The following RNF38 variants were observed in gnomAD, a reference collection of about 807,000 sequenced individuals.
RNF38 encodes the protein E3 ubiquitin-protein ligase RNF38.
In RNF38, 15 loss-of-function variants were observed where a neutral mutation model predicts 67.2. The observed-to-expected ratio is 0.22, with a 90% confidence interval of 0.15 to 0.34. The LOEUF is 0.34. RNF38 is among the 10% of genes least tolerant of loss of function. RNF38 has a pLI of 1.00. For synonymous variants in RNF38, 220 were observed against 218.8 expected (o/e 1.01, Z -0.05); for missense variants, 524 against 639.9 (o/e 0.82, Z 1.95).
chr9:36,352,495 C>T (rs1039475031), intron 8 of RNF38, among the ~76,000 whole-genome samples: 6 of 152,094 alleles, frequency 3.9e-5, no homozygotes, highest in Admixed American at 1.3e-4. Flanking sequence ...GGCAGAAAAT[C>T]TTAACCTTTT....
In RNF38 at chr9:36,337,608, TATAA is replaced by T. The variant is rs950197087; in HGVS notation, c.*2140_*2143del. On this transcript the variant is annotated 3_prime_UTR_variant, in exon 12 of 12. Coordinates refer to ENST00000259605, the MANE Select transcript of RNF38 (RefSeq NM_022781.5). ...TACAGATATAAATTTTTTGCAGCTA[TATAA>T]AAGTGTATAAGATGGGCTTTTGCCA... The T allele has an allele frequency of 2.6e-5, 4 of 152,626 alleles. No individual in the cohort carries two copies. The highest frequency in any genetic ancestry group is 9.7e-5 in the African/African-American group (4 of 41,434). The allele number at this position is 152,626 out of a possible 1,614,324, so 9.5% of individuals were successfully genotyped here.
intron 9 of RNF38, among the ~76,000 whole-genome samples, chr9:36,346,600 A>AT (rs1833258303): frequency 6.6e-6 from 1 of 151,970 alleles, no homozygotes; most frequent in African/African-American, 2.4e-5. Flanking sequence ...GCTTTTCTCC[A>AT]TTTTTTCAGG....
chr9:36,387,374 C>A (rs1287242952), intron 2 of RNF38, among the ~76,000 whole-genome samples: 1 of 152,082 alleles, frequency 6.6e-6, no homozygotes, highest in Admixed American at 6.5e-5. Flanking sequence ...ACCACAAACA[C>A]CCCTAAAATT....
At chr9:36,392,376 G>A (rs1235652703) in intron 1 of RNF38, among the ~76,000 whole-genome samples, 1 of 152,144 alleles carries the variant, frequency 6.6e-6, no homozygotes, top group Non-Finnish European at 1.5e-5. Context: ...CCATTACGCA[G>A]AAGTATGCAT....
At chr9:36,466,869 T>C (rs1019348946) in intron 1 of RNF38, among the ~76,000 whole-genome samples, 3 of 151,718 alleles carry the variant, frequency 2.0e-5, no homozygotes, top group South Asian at 2.1e-4. Context: ...TGTCTACTTA[T>C]AAAAAAATTT....
intron 1 of RNF38, among the ~76,000 whole-genome samples, chr9:36,431,323 G>A (rs1587125961): frequency 6.6e-6 from 1 of 152,232 alleles, no homozygotes; most frequent in East Asian, 1.9e-4. Context: ...TGCCCCTAGA[G>A]CACAAACCTG....
At chr9:36,340,672 C>T (rs1832767939) in intron 11 of RNF38, among the ~76,000 whole-genome samples, 1 of 152,184 alleles carries the variant, frequency 6.6e-6, no homozygotes. Context: ...ATTCCTGGCC[C>T]CTTGGCTATT....
upstream of RNF38, chr9:36,400,389 G>T: frequency 8.6e-7 from 1 of 1,161,890 alleles, no homozygotes; most frequent in Non-Finnish European, 1.1e-6. Context: ...GCGGGCCGGC[G>T]GCTCCGCGAG....
chr9:36,467,684 C>CA (rs2134400357), intron 1 of RNF38, among the ~76,000 whole-genome samples: 1 of 152,248 alleles, frequency 6.6e-6, no homozygotes, highest in South Asian at 2.1e-4. Flanking sequence ...CACTTCCATG[C>CA]ATCATCTCTA....
Position 36,336,651 on chromosome 9 carries a change from A to G in RNF38, c.*3101T>C, listed in dbSNP as rs899173206. The G allele has an allele frequency of 6.6e-6, 1 of 152,614 alleles. No homozygotes were observed. Among genetic ancestry groups the G allele is most frequent in the South Asian group, 2.1e-4 (1 of 4,826 alleles). 9.5% of individuals were successfully genotyped at this position (152,614 alleles called of 1,614,324 possible). On this transcript the variant is annotated 3_prime_UTR_variant, in exon 12 of 12. Coordinates refer to ENST00000259605, the MANE Select transcript of RNF38 (RefSeq NM_022781.5). ...ATGATTTGAGAAAATGACTCAGCAA[A>G]TGATTCCAAAAAACACCCCTGTGAG...
intron 2 of RNF38, among the ~76,000 whole-genome samples, chr9:36,415,185 T>C (rs1838428951): frequency 6.6e-6 from 1 of 152,218 alleles, no homozygotes; most frequent in Admixed American, 6.5e-5. Context: ...CCAATTATTC[T>C]TAGGCTTGAT....
At chr9:36,386,004 C>G (rs184000490) in intron 2 of RNF38, among the ~76,000 whole-genome samples, 1 of 152,156 alleles carries the variant, frequency 6.6e-6, no homozygotes, top group South Asian at 2.1e-4. Context: ...TCCAAGAGTA[C>G]GTCCAATCCC....
chr9:36,429,273 CAAAT>C (rs890675696), intron 1 of RNF38, among the ~76,000 whole-genome samples: 2 of 152,162 alleles, frequency 1.3e-5, no homozygotes, highest in African/African-American at 4.8e-5. Flanking sequence ...TTCCCAGAGG[CAAAT>C]ATTCCCCAAA....
chr9:36,456,428 T>G (rs1587171163), intron 1 of RNF38, among the ~76,000 whole-genome samples: 1 of 152,238 alleles, frequency 6.6e-6, no homozygotes, highest in African/African-American at 2.4e-5. Flanking sequence ...CTGTGTGTTA[T>G]AAGTCACTAA....
At chr9:36,485,747 C>T (rs547105071) in intron 1 of RNF38, among the ~76,000 whole-genome samples, 2 of 152,282 alleles carry the variant, frequency 1.3e-5, no homozygotes, top group South Asian at 4.2e-4. Context: ...CTGACTTAAA[C>T]AAGGAATCAT....
chr9:36,391,715 G>A (rs911223815), intron 1 of RNF38, among the ~76,000 whole-genome samples: 7 of 149,450 alleles, frequency 4.7e-5, no homozygotes, highest in African/African-American at 1.5e-4. Flanking sequence ...TGGGGTTCAC[G>A]CCATTCTCCT....
chr9:36,476,149 G>A (rs1249815378), intron 1 of RNF38, among the ~76,000 whole-genome samples: 3 of 152,036 alleles, frequency 2.0e-5, no homozygotes, highest in Non-Finnish European at 4.4e-5. Context: ...TTTTGAGACT[G>A]AGTCTCGCTC....
chr9:36,376,696 C>T (rs188236234), intron 2 of RNF38, among the ~76,000 whole-genome samples: 2 of 152,122 alleles, frequency 1.3e-5, no homozygotes, highest in Admixed American at 6.5e-5. Flanking sequence ...GAGGCAGAGG[C>T]GGGTGGATCA....
chr9:36,470,328 A>G (rs1400623610), intron 1 of RNF38, among the ~76,000 whole-genome samples: 1 of 152,148 alleles, frequency 6.6e-6, no homozygotes, highest in African/African-American at 2.4e-5. Flanking sequence ...ATAAGCCCCA[A>G]TCCATAATGC....
Sources: allele counts gnomAD v4.1 joint callset (sites outside exome capture counted in the v4.1 genomes callset), GRCh38; gene constraint gnomAD v4.1.1; transcripts MANE v1.5; gene names NCBI Gene and HGNC (gene_info 2026-07-23, HGNC 2026-07-21).